EYS: variants seen among roughly 807,000 people sequenced by gnomAD.
EYS encodes EGF-like photoreceptor maintenance factor.
In EYS, 250 loss-of-function variants were observed where a neutral mutation model predicts 282.1. The observed-to-expected ratio is 0.89, with a 90% CI of 0.80 to 0.98. EYS has a LOEUF of 0.98. Ranked by LOEUF, EYS falls within the 50% of genes least tolerant of loss-of-function variation. The probability of loss-of-function intolerance (pLI) is 0.00; values close to 1 mark genes in which losing one functional copy is unlikely to be tolerated. For missense variants in EYS, 4,016 were observed against 3,709.0 expected (o/e 1.08, Z -2.15); for synonymous variants, 1,355 against 1,282.9 (o/e 1.06, Z -1.20).
chr6:65,082,902 T>G (rs1297013532), intron 12 of EYS, among the ~76,000 whole-genome samples: 1 of 151,990 alleles, frequency 6.6e-6, no homozygotes, highest in African/African-American at 2.4e-5. Flanking sequence ...GGACTGTAAT[T>G]TATTTGCTTT....
At chr6:65,414,762 G>C (rs1488952349) in intron 5 of EYS, among the ~76,000 whole-genome samples, 1 of 151,954 alleles carries the variant, frequency 6.6e-6, no homozygotes, top group Non-Finnish European at 1.5e-5. Flanking sequence ...TCCGGGGTGA[G>C]GTCATAAGTG....
At chr6:63,861,671 T>A (rs1772534518) in intron 36 of EYS, among the ~76,000 whole-genome samples, 1 of 152,146 alleles carries the variant, frequency 6.6e-6, no homozygotes, top group Non-Finnish European at 1.5e-5. Flanking sequence ...TGTGATGGTA[T>A]TTGGAAATGG....
chr6:65,577,199 G>T (rs1764701031), intron 2 of EYS, among the ~76,000 whole-genome samples: 1 of 151,802 alleles, frequency 6.6e-6, no homozygotes, highest in African/African-American at 2.4e-5. Flanking sequence ...AATCAAAACA[G>T]CATGGTACTG....
rs559432833 is a variant in EYS, at chr6:65,036,137, GA to G, written c.2137+21476del. On this transcript the variant is annotated intron_variant, in intron 13 of 42. Coordinates refer to ENST00000503581, the MANE Select transcript of EYS (RefSeq NM_001142800.2). ...GCACTGGTACAATAACAAACACATAGACCAATGGCATAGAATACAGCATCCA... is the reference window on the plus strand; with the variant it reads ...GCACTGGTACAATAACAAACACATAGCCAATGGCATAGAATACAGCATCCA... Among the ~76,000 whole-genome samples, 566 of 151,534 alleles carry G rather than the reference GA, an allele frequency of 3.7e-3. 10 individuals carry two copies. The highest frequency in any genetic ancestry group is 0.013 in the African/African-American group (540 of 41,394).
intron 12 of EYS, among the ~76,000 whole-genome samples, chr6:65,215,175 G>T (rs1423711244): frequency 2.0e-5 from 3 of 152,044 alleles, no homozygotes; most frequent in African/African-American, 7.2e-5. Flanking sequence ...ACCATAGATA[G>T]TGATTCCACT....
At chr6:63,843,003 A>T (rs143480122) in intron 36 of EYS, among the ~76,000 whole-genome samples, 1 of 152,288 alleles carries the variant, frequency 6.6e-6, no homozygotes, top group African/African-American at 2.4e-5. Context: ...TGTTTTGGTT[A>T]CTGTAGACTT....
intron 31 of EYS, among the ~76,000 whole-genome samples, chr6:64,209,307 G>C (rs1019096403): frequency 1.3e-5 from 2 of 152,084 alleles, no homozygotes; most frequent in Non-Finnish European, 2.9e-5. Context: ...ATTTCAAAGA[G>C]AGCATAATTC....
intron 15 of EYS, among the ~76,000 whole-genome samples, chr6:64,944,827 C>T (rs1046828885): frequency 7.2e-5 from 11 of 152,104 alleles, no homozygotes; most frequent in Admixed American, 7.2e-4. Flanking sequence ...ATGTTTGCAG[C>T]AATGCTGCCT....
chr6:64,632,442 C>T (rs975025637), intron 22 of EYS, among the ~76,000 whole-genome samples: 1 of 152,042 alleles, frequency 6.6e-6, no homozygotes, highest in Non-Finnish European at 1.5e-5. Context: ...TTTACCTGTG[C>T]TGTAGCCAAA....
At chr6:64,007,132 A>G (rs1021895270) in intron 33 of EYS, among the ~76,000 whole-genome samples, 3 of 151,986 alleles carry the variant, frequency 2.0e-5, no homozygotes, top group Non-Finnish European at 4.4e-5. Context: ...GTACTGGGCT[A>G]TTTCTGGTTG....
At chr6:64,272,305 G>T (rs1251679372) in intron 30 of EYS, among the ~76,000 whole-genome samples, 2 of 152,054 alleles carry the variant, frequency 1.3e-5, no homozygotes, top group Non-Finnish European at 2.9e-5. Context: ...TGTGAATTTG[G>T]TCCTGTCATT....
chr6:64,327,059 G>A (rs1400923110), intron 29 of EYS, among the ~76,000 whole-genome samples: 1 of 152,134 alleles, frequency 6.6e-6, no homozygotes. Flanking sequence ...GAGGAGGTGT[G>A]TGAAAGTGTG....
intron 12 of EYS, among the ~76,000 whole-genome samples, chr6:65,168,954 A>G (rs367641401): frequency 6.6e-4 from 100 of 151,362 alleles, no homozygotes; most frequent in African/African-American, 2.1e-3. Flanking sequence ...GAAAATTACA[A>G]CCATTTTACC....
At chr6:64,781,260 C>T (rs992998914) in intron 22 of EYS, among the ~76,000 whole-genome samples, 1 of 152,100 alleles carries the variant, frequency 6.6e-6, no homozygotes, top group African/African-American at 2.4e-5. Flanking sequence ...TACTGATAAG[C>T]TAGCCCCACC....
chr6:63,894,788 C>T (rs1326351046), intron 35 of EYS, among the ~76,000 whole-genome samples: 5 of 151,822 alleles, frequency 3.3e-5, no homozygotes, highest in Admixed American at 6.6e-5. Context: ...GGGGTTTCAC[C>T]GTGTTAGCCA....
At chr6:64,367,357 G>A (rs1043894005) in intron 29 of EYS, among the ~76,000 whole-genome samples, 2 of 151,898 alleles carry the variant, frequency 1.3e-5, no homozygotes, top group Non-Finnish European at 2.9e-5. Context: ...CTAATAGCAA[G>A]GAAACCCACA....
intron 36 of EYS, among the ~76,000 whole-genome samples, chr6:63,828,807 G>A (rs1771543872): frequency 6.6e-6 from 1 of 152,166 alleles, no homozygotes; most frequent in Admixed American, 6.5e-5. Context: ...ATTTTAAAAA[G>A]TAGATGTTTG....
chr6:64,253,543 T>C (rs547659750), intron 30 of EYS, among the ~76,000 whole-genome samples: 60 of 152,262 alleles, frequency 3.9e-4, no homozygotes, highest in Non-Finnish European at 2.4e-4. Flanking sequence ...TTCCTGGTCT[T>C]AAGAGTTTCT....
chr6:65,100,847 T>C (rs1774876012), intron 12 of EYS, among the ~76,000 whole-genome samples: 1 of 150,756 alleles, frequency 6.6e-6, no homozygotes, highest in Non-Finnish European at 1.5e-5. Flanking sequence ...CAAGAGGAAG[T>C]ATTAATTGGT....
Sources: gnomAD v4.1 joint callset for allele counts (sites outside exome capture counted in the v4.1 genomes callset) on GRCh38, gnomAD v4.1.1 for gene constraint, MANE v1.5 for transcripts, NCBI Gene and HGNC (gene_info 2026-07-23, HGNC 2026-07-21) for gene names.